UBXN8: variants seen among roughly 807,000 people sequenced by gnomAD.
The protein encoded by UBXN8 is UBX domain protein 8.
Under a neutral mutation model 32.1 loss-of-function variants are expected in UBXN8, and 27 were observed. That is an observed-to-expected ratio of 0.84 (90% confidence interval 0.62 to 1.16). The LOEUF (loss-of-function observed/expected upper bound fraction) is 1.16, where lower values mean the gene tolerates loss of function less well. Ranked by LOEUF, UBXN8 falls within the 50% of genes most tolerant of loss-of-function variation. The pLI, the probability that UBXN8 is intolerant of heterozygous loss-of-function variation, is 0.00. For missense variants in UBXN8, 306 were observed against 311.4 expected (o/e 0.98, Z 0.13); for synonymous variants, 109 against 111.8 (o/e 0.98, Z 0.16).
At chr8:30,751,121 A>G (rs1295895774) in intron 1 of UBXN8, among the ~76,000 whole-genome samples, 6 of 152,208 alleles carry the variant, frequency 3.9e-5, no homozygotes, top group East Asian at 1.9e-4. Flanking sequence ...AGGGATGACT[A>G]TTATATGAAC....
At chr8:30,762,305 G>A (rs1805854162) in intron 6 of UBXN8, among the ~76,000 whole-genome samples, 1 of 151,996 alleles carries the variant, frequency 6.6e-6, no homozygotes, top group Non-Finnish European at 1.5e-5. Flanking sequence ...CCGACTCCTG[G>A]TCTCAAGTGA....
intron 3 of UBXN8, chr8:30,754,375 AG>A: frequency 2.0e-6 from 1 of 498,136 alleles, no homozygotes; most frequent in Non-Finnish European, 4.0e-6. Context: ...GAATCAGGAT[AG>A]GAAAAGTAGA....
chr8:30,751,342 C>T, intron 1 of UBXN8, 54 bp from the exon 2 acceptor site: 1 of 1,456,166 alleles, frequency 6.9e-7, no homozygotes, highest in Non-Finnish European at 9.3e-7. Context: ...AGTGAGACCT[C>T]ATCTCTTAAA....
At chr8:30,761,016 GT>G in intron 6 of UBXN8, 87 bp downstream of exon 6, 1 of 980,096 alleles carries the variant, frequency 1.0e-6, no homozygotes. Context: ...CTAAACTTGG[GT>G]TTAGAAAGAA....
At chr8:30,749,609 T>A (rs1444690994) in intron 1 of UBXN8, among the ~76,000 whole-genome samples, 1 of 330 alleles carries the variant, frequency 3.0e-3, no homozygotes, top group Non-Finnish European at 0.17. Flanking sequence ...TCTTTTTTTC[T>A]TTTTTTTTTT....
chr8:30,754,994 C>T (rs750554272), intron 4 of UBXN8, among the ~76,000 whole-genome samples: 10 of 117,604 alleles, frequency 8.5e-5, no homozygotes, highest in Admixed American at 1.9e-4. Flanking sequence ...TTGCTTTGTT[C>T]CCCTAGGCTG....
intron 5 of UBXN8, among the ~76,000 whole-genome samples, chr8:30,757,192 A>G (rs951944035): frequency 5.9e-5 from 9 of 151,604 alleles, no homozygotes; most frequent in African/African-American, 1.7e-4. Flanking sequence ...TCCCTGTTCA[A>G]TATTAATGAT....
chr8:30,760,083 A>G (rs1805789724), intron 5 of UBXN8, among the ~76,000 whole-genome samples: 1 of 134,024 alleles, frequency 7.5e-6, no homozygotes, highest in African/African-American at 2.7e-5. Flanking sequence ...TTTTTTTAAG[A>G]TGGAGGCTTG....
chr8:30,754,702 A>C lies in UBXN8; in HGVS notation c.320A>C (p.Gln107Pro), dbSNP rs1171319075. 6 of 1,562,762 alleles carry C rather than the reference A, an allele frequency of 3.8e-6. No homozygotes were observed. Among genetic ancestry groups the C allele is most frequent in the Non-Finnish European group, 5.2e-6 (6 of 1,164,978 alleles). The change falls in exon 4 of 8, where the codon CAG becomes CCG. Residue 107 changes from glutamine to proline, a missense_variant. Transcript: ENST00000265616. Reference sequence around the variant, plus strand: ...ATAGAGAATGTTTTAAAACCTCACCAGGAAATGAAATTGAGAAAACTGGAG... The same window carrying C: ...ATAGAGAATGTTTTAAAACCTCACCCGGAAATGAAATTGAGAAAACTGGAG... ...RYIENVLKPH[Q>P]EMKLRKLEER...
intron 7 of UBXN8, among the ~76,000 whole-genome samples, chr8:30,763,956 A>T (rs1477110116): frequency 2.0e-5 from 3 of 152,132 alleles, no homozygotes; most frequent in Admixed American, 1.3e-4. Context: ...ATGCCACTGC[A>T]CTCCAGCCTG....
chr8:30,765,076 TA>T (rs1217504118), intron 7 of UBXN8, among the ~76,000 whole-genome samples: 1 of 151,952 alleles, frequency 6.6e-6, no homozygotes, highest in Non-Finnish European at 1.5e-5. Flanking sequence ...AAACCTTTAA[TA>T]TTTTTTATTT....
intron 5 of UBXN8, among the ~76,000 whole-genome samples, chr8:30,757,586 C>T (rs887506138): frequency 5.3e-5 from 8 of 151,110 alleles, no homozygotes; most frequent in Admixed American, 4.0e-4. Context: ...AAGGGCTGGG[C>T]ATGGTGGCTC....
At chr8:30,752,921 C>A in intron 2 of UBXN8, 114 bp from the exon 3 acceptor site, 1 of 1,175,294 alleles carries the variant, frequency 8.5e-7, no homozygotes, top group South Asian at 2.2e-5. Flanking sequence ...GTGTTAGGGT[C>A]TCCCCATCAT....
At position 30,754,507 on chromosome 8, in the gene UBXN8, C is replaced by T. The variant is rs1409925055; in HGVS notation, c.283-158C>T. On this transcript the variant is annotated intron_variant, in intron 3 of 7. Transcript: ENST00000265616. Reference sequence around the variant, plus strand: ...GTCCCGCTTGCTGTCCAGCTGTCGGCACGAGCCTCCCCACAACCAAGCAGC... The same window carrying T: ...GTCCCGCTTGCTGTCCAGCTGTCGGTACGAGCCTCCCCACAACCAAGCAGC... 10 of 925,090 alleles carry T rather than the reference C, an allele frequency of 1.1e-5. No individual in the cohort carries two copies. The East Asian group carries it at 2.7e-4, about 25-fold the overall frequency. 57.3% of individuals were successfully genotyped at this position (925,090 alleles called of 1,614,324 possible).
intron 6 of UBXN8, among the ~76,000 whole-genome samples, chr8:30,762,623 C>T (rs937675986): frequency 1.3e-5 from 2 of 151,482 alleles, no homozygotes; most frequent in Non-Finnish European, 2.9e-5. Context: ...GAACTCCTGA[C>T]CTCAAGTGAT....
intron 5 of UBXN8, 89 bp downstream of exon 5, chr8:30,756,976 A>G (rs1413272668): frequency 6.5e-7 from 1 of 1,531,396 alleles, no homozygotes; most frequent in Admixed American, 2.0e-5. Flanking sequence ...GGTGAAGATC[A>G]GGACTGGCCT....
chr8:30,746,632 C>T (rs547809158), intron 1 of UBXN8, among the ~76,000 whole-genome samples: 1 of 137,484 alleles, frequency 7.3e-6, no homozygotes, highest in Non-Finnish European at 1.6e-5. Flanking sequence ...CAGCGATTCT[C>T]CTGCCTTAGC....
intron 6 of UBXN8, chr8:30,763,006 A>T: frequency 2.4e-6 from 1 of 423,580 alleles, no homozygotes. Flanking sequence ...AGTAGCTGGG[A>T]CTAGAGGCGT....
chr8:30,760,296 A>G (rs999565613), intron 5 of UBXN8, among the ~76,000 whole-genome samples: 5 of 150,442 alleles, frequency 3.3e-5, no homozygotes, highest in African/African-American at 1.2e-4. Flanking sequence ...CTTGACCTCA[A>G]GTGATCCACC....
Sources: allele counts gnomAD v4.1 joint callset (sites outside exome capture counted in the v4.1 genomes callset), GRCh38; gene constraint gnomAD v4.1.1; transcripts MANE v1.5; gene names NCBI Gene and HGNC (gene_info 2026-07-23, HGNC 2026-07-21).